CTNNA2: variants seen among roughly 807,000 people sequenced by gnomAD.
CTNNA2 encodes the protein catenin alpha 2, also known as catenin alpha-2.
Under a neutral mutation model 101.0 loss-of-function variants are expected in CTNNA2, and 42 were observed. The ratio of observed to expected loss-of-function variants is 0.42; its 90% CI spans 0.32 to 0.54. The LOEUF (loss-of-function observed/expected upper bound fraction) is 0.54. CTNNA2 is among the 20% of genes least tolerant of loss of function. CTNNA2 has a pLI of 0.14. For synonymous variants in CTNNA2, 450 were observed against 456.4 expected (o/e 0.99, Z 0.18); for missense variants, 871 against 1,223.1 (o/e 0.71, Z 4.29).
chr2:80,076,384 T>G (rs1003460243), intron 7 of CTNNA2, among the ~76,000 whole-genome samples: 3 of 151,922 alleles, frequency 2.0e-5, no homozygotes, highest in Non-Finnish European at 4.4e-5. Context: ...GCTCAAGTGA[T>G]CCTCCCTGCT....
intron 2 of CTNNA2, among the ~76,000 whole-genome samples, chr2:79,660,366 CAT>C (rs1681950918): frequency 6.7e-6 from 1 of 150,248 alleles, no homozygotes; most frequent in South Asian, 2.1e-4. Flanking sequence ...ATACTAAATA[CAT>C]ACACATATAT....
chr2:80,503,682 G>A (rs551628461), intron 9 of CTNNA2, among the ~76,000 whole-genome samples: 56 of 152,190 alleles, frequency 3.7e-4, no homozygotes, highest in African/African-American at 1.3e-3. Flanking sequence ...TCCTGCACCC[G>A]ATCATGTGTT....
intron 1 of CTNNA2, among the ~76,000 whole-genome samples, chr2:79,538,243 G>A (rs1322736857): frequency 1.9e-4 from 29 of 151,082 alleles, no homozygotes; most frequent in African/African-American, 6.5e-4. Context: ...ATGATTATTC[G>A]AAAAAAAAAC....
chr2:79,833,189 A>G (rs899076602), intron 3 of CTNNA2, among the ~76,000 whole-genome samples: 2 of 152,184 alleles, frequency 1.3e-5, no homozygotes, highest in Non-Finnish European at 2.9e-5. Flanking sequence ...TTGGAATCCA[A>G]TTCTGTGGAT....
chr2:79,562,960 C>T (rs1342570462), intron 1 of CTNNA2, among the ~76,000 whole-genome samples: 1 of 151,688 alleles, frequency 6.6e-6, no homozygotes, highest in Non-Finnish European at 1.5e-5. Flanking sequence ...CTAATATATT[C>T]CTCTTTTCTA....
chr2:80,340,380 GC>G (rs1672119063), intron 7 of CTNNA2, among the ~76,000 whole-genome samples: 1 of 152,160 alleles, frequency 6.6e-6, no homozygotes. Context: ...CAAGTTTATG[GC>G]TTTAAGAGAG....
Position 80,626,565 on chromosome 2 carries a change from T to TTAAGATTGAGA in CTNNA2, c.2574+7339_2574+7349dup, listed in dbSNP as rs762931564. Among the ~76,000 whole-genome samples the TTAAGATTGAGA allele has an allele frequency of 6.8e-4, 104 of 152,206 alleles. 1 individual carries two copies. Among genetic ancestry groups the TTAAGATTGAGA allele is most frequent in the Admixed American group, 3.9e-3 (60 of 15,258 alleles). ...TTAGCTCAGCACATTGCTGCTCTGA[T>TTAAGATTGAGA]TAAGATTGAGATGCCACTAAATAAA... On this transcript the variant is annotated intron_variant, in intron 18 of 18. Coordinates refer to ENST00000402739, the MANE Select transcript of CTNNA2 (RefSeq NM_001282597.3).
intron 9 of CTNNA2, among the ~76,000 whole-genome samples, chr2:80,454,373 G>C (rs774488508): frequency 2.0e-5 from 3 of 152,082 alleles, no homozygotes; most frequent in Non-Finnish European, 4.4e-5. Flanking sequence ...CGGGAGTTCT[G>C]GGTTCAGACT....
At chr2:79,374,030 T>G (rs1677929709) in intron 4 of CTNNA2, 1 of 152,274 alleles carries the variant, frequency 6.6e-6, no homozygotes, top group Non-Finnish European at 1.5e-5. Flanking sequence ...CCTTTTTAAC[T>G]TATCTCATTC....
intron 6 of CTNNA2, among the ~76,000 whole-genome samples, chr2:79,888,297 C>T (rs1684044054): frequency 6.6e-6 from 1 of 152,216 alleles, no homozygotes; most frequent in Non-Finnish European, 1.5e-5. Context: ...ATAGTCTTCA[C>T]TGCTTCCTGA....
intron 2 of CTNNA2, among the ~76,000 whole-genome samples, chr2:79,663,791 A>C (rs1440970709): frequency 6.6e-6 from 1 of 152,172 alleles, no homozygotes; most frequent in Non-Finnish European, 1.5e-5. Context: ...ATGTAGATAG[A>C]AATGATGCTA....
At chr2:79,696,097 A>G (rs1367969249) in intron 2 of CTNNA2, among the ~76,000 whole-genome samples, 3 of 152,010 alleles carry the variant, frequency 2.0e-5, no homozygotes, top group Non-Finnish European at 4.4e-5. Context: ...GTCAGATGGG[A>G]ATGGAAGTGG....
At chr2:79,378,173 A>G (rs1289116698) in intron 4 of CTNNA2, among the ~76,000 whole-genome samples, 2 of 152,094 alleles carry the variant, frequency 1.3e-5, no homozygotes, top group East Asian at 1.9e-4. Flanking sequence ...GTATAATTTT[A>G]CCAAAATAGA....
chr2:79,810,882 A>G (rs1301863639), intron 3 of CTNNA2, among the ~76,000 whole-genome samples: 1 of 151,788 alleles, frequency 6.6e-6, no homozygotes, highest in Non-Finnish European at 1.5e-5. Flanking sequence ...GCTGCATAGT[A>G]TTCCATGGTG....
At chr2:79,863,317 A>G (rs1441747514) in intron 4 of CTNNA2, among the ~76,000 whole-genome samples, 1 of 152,224 alleles carries the variant, frequency 6.6e-6, no homozygotes, top group Non-Finnish European at 1.5e-5. Flanking sequence ...CAGTTTAACC[A>G]TATTGTATGG....
chr2:80,415,450 A>G (rs561319214), intron 8 of CTNNA2, among the ~76,000 whole-genome samples: 2 of 152,132 alleles, frequency 1.3e-5, no homozygotes, highest in African/African-American at 4.8e-5. Context: ...ATTGTTTTTC[A>G]AGTTGTTCAT....
At chr2:80,220,271 T>C (rs1318379387) in intron 7 of CTNNA2, among the ~76,000 whole-genome samples, 2 of 152,242 alleles carry the variant, frequency 1.3e-5, no homozygotes, top group Admixed American at 1.3e-4. Flanking sequence ...CTCCCCAGTC[T>C]CCTGGAGTCA....
At chr2:79,269,569 C>G (rs1309877012) in intron 2 of CTNNA2, among the ~76,000 whole-genome samples, 1 of 152,132 alleles carries the variant, frequency 6.6e-6, no homozygotes. Context: ...ATTATTCAAG[C>G]AGTCATCAAA....
At chr2:79,730,414 A>T (rs1382377625) in intron 2 of CTNNA2, among the ~76,000 whole-genome samples, 2 of 151,994 alleles carry the variant, frequency 1.3e-5, no homozygotes, top group Non-Finnish European at 1.5e-5. Context: ...TCTGCTTCTA[A>T]TTTTTGGAAA....
Sources: gnomAD v4.1 joint callset for allele counts (sites outside exome capture counted in the v4.1 genomes callset) on GRCh38, gnomAD v4.1.1 for gene constraint, MANE v1.5 for transcripts, NCBI Gene and HGNC (gene_info 2026-07-23, HGNC 2026-07-21) for gene names.